Variants in CCDC181 observed in about 807,000 individuals in gnomAD.
CCDC181 encodes the protein coiled-coil domain containing 181.
A neutral mutation model predicts 58.7 loss-of-function variants in CCDC181; 35 were observed. That is an observed-to-expected ratio of 0.60 (90% CI 0.46 to 0.79). The LOEUF (loss-of-function observed/expected upper bound fraction) is 0.79. Ranked by LOEUF, CCDC181 falls within the 30% of genes least tolerant of loss-of-function variation. The probability of loss-of-function intolerance (pLI) is 0.00; values close to 1 mark genes in which losing one functional copy is unlikely to be tolerated. For synonymous variants in CCDC181, 183 were observed against 197.5 expected (o/e 0.93, Z 0.62); for missense variants, 517 against 583.9 (o/e 0.89, Z 1.18).
At chr1:169,460,542 G>C (rs1361597606) in exon 1 of CCDC181, 2 of 152,322 alleles carry the variant, frequency 1.3e-5, no homozygotes, top group East Asian at 3.8e-4. Flanking sequence ...GGGTAGGTAC[G>C]GCGGGCTTGC....
chr1:169,421,782 T>C lies in CCDC181; in HGVS notation c.649A>G (p.Ile217Val), dbSNP rs780206900. ...GSCEENKDRT[I>V]LVERDGKFEL... ...AATTTTCCATCTCTCTCTACCAGTA[T>C]TGTCCTATCCTTGTTTTCTTCACAG... The change falls in exon 3 of 6, where the codon ATA becomes GTA. Residue 217 changes from isoleucine to valine, a missense_variant. Transcript: ENST00000367806. 16 of 1,614,064 alleles carry C rather than the reference T, an allele frequency of 9.9e-6. No homozygotes were observed. The highest frequency in any genetic ancestry group is 7.7e-5 in the South Asian group (7 of 91,090).
At chr1:169,443,473 T>C (rs1461158724) in intron 2 of CCDC181, 4 of 152,140 alleles carry the variant, frequency 2.6e-5, no homozygotes, top group Admixed American at 2.0e-4. Context: ...ATTTAGCTTT[T>C]GAGAAATCAA....
chr1:169,457,460 T>G (rs1657706241), intron 2 of CCDC181, among the ~76,000 whole-genome samples: 1 of 152,130 alleles, frequency 6.6e-6, no homozygotes, highest in Non-Finnish European at 1.5e-5. Flanking sequence ...CTTAACATCA[T>G]TAACAGGTTC....
intron 4 of CCDC181, among the ~76,000 whole-genome samples, chr1:169,404,126 C>G (rs1384905703): frequency 6.6e-6 from 1 of 152,084 alleles, no homozygotes; most frequent in Non-Finnish European, 1.5e-5. Context: ...AAGCTGAATC[C>G]CTGAATAGAC....
chr1:169,438,966 T>A (rs1657129965), intron 2 of CCDC181, among the ~76,000 whole-genome samples: 1 of 152,168 alleles, frequency 6.6e-6, no homozygotes. Flanking sequence ...CTATTCTCCA[T>A]CTGAGAAATC....
chr1:169,408,965 C>A (rs1170025082), intron 4 of CCDC181, among the ~76,000 whole-genome samples: 1 of 152,162 alleles, frequency 6.6e-6, no homozygotes, highest in Non-Finnish European at 1.5e-5. Flanking sequence ...ATTCCAAAAA[C>A]CAGAATGCCT....
At chr1:169,408,870 A>G (rs956765722) in intron 4 of CCDC181, among the ~76,000 whole-genome samples, 19 of 152,060 alleles carry the variant, frequency 1.2e-4, no homozygotes, top group African/African-American at 4.6e-4. Context: ...CCACACAAAA[A>G]CCCCATCCAA....
intron 4 of CCDC181, among the ~76,000 whole-genome samples, chr1:169,414,017 A>AT (rs771536309): frequency 3.6e-5 from 4 of 111,628 alleles, no homozygotes; most frequent in Admixed American, 1.9e-4. Flanking sequence ...TTAAAATATA[A>AT]TTAAAAAAAA....
At chr1:169,439,290 C>T (rs530416562) in intron 2 of CCDC181, among the ~76,000 whole-genome samples, 25 of 152,172 alleles carry the variant, frequency 1.6e-4, no homozygotes, top group Non-Finnish European at 3.1e-4. Context: ...TGCAGACAGA[C>T]ACCCTACCAT....
chr1:169,447,122 TA>T (rs1477741163), intron 2 of CCDC181, among the ~76,000 whole-genome samples: 6 of 152,206 alleles, frequency 3.9e-5, no homozygotes, highest in Non-Finnish European at 2.9e-5. Context: ...GTTTTTGGTT[TA>T]TTTTTTTGAG....
chr1:169,406,815 A>C (rs1212664645), intron 4 of CCDC181, among the ~76,000 whole-genome samples: 3 of 149,228 alleles, frequency 2.0e-5, no homozygotes, highest in Non-Finnish European at 3.0e-5. Context: ...AACCCACCAC[A>C]AAAAAAATAA....
chr1:169,421,972 C>G lies in CCDC181; in HGVS notation c.459G>C (p.Lys153Asn). The change falls in exon 3 of 6, where the codon AAG becomes AAC. Residue 153 changes from lysine to asparagine, a missense_variant. By Grantham distance (94) the Lys-to-Asn change is moderately conservative. Coordinates refer to ENST00000367806, the MANE Select transcript of CCDC181 (RefSeq NM_001300969.2). ...CCAAATCAACTAACTGGTCCTTGAA[C>G]TTAAGTTTTCGCTCCCTTTTATCAT... ...PVNDKRERKL[K>N]FKDQLVDLEV... The G allele has an allele frequency of 6.2e-7, 1 of 1,614,014 alleles. No homozygotes were observed. Among genetic ancestry groups the G allele is most frequent in the Non-Finnish European group, 8.5e-7 (1 of 1,179,996 alleles).
chr1:169,426,162 A>C (rs938760407), intron 1 of CCDC181, among the ~76,000 whole-genome samples: 4 of 152,156 alleles, frequency 2.6e-5, no homozygotes, highest in Non-Finnish European at 4.4e-5. Flanking sequence ...AAACACCCTC[A>C]TGGCCGGTTC....
intron 2 of CCDC181, among the ~76,000 whole-genome samples, chr1:169,441,137 G>A (rs1211952700): frequency 6.6e-6 from 1 of 151,946 alleles, no homozygotes; most frequent in African/African-American, 2.4e-5. Flanking sequence ...AAGCAGCAAT[G>A]GCATTTTAGG....
At chr1:169,438,079 G>T (rs981356708) in intron 2 of CCDC181, among the ~76,000 whole-genome samples, 2 of 152,106 alleles carry the variant, frequency 1.3e-5, no homozygotes, top group African/African-American at 4.8e-5. Context: ...TGAAAAGCAG[G>T]CTTGTAGGTG....
intron 2 of CCDC181, among the ~76,000 whole-genome samples, chr1:169,446,565 TG>T (rs1657384032): frequency 6.6e-6 from 1 of 152,192 alleles, no homozygotes; most frequent in South Asian, 2.1e-4. Context: ...CATATACCCA[TG>T]GGTTCTGCAT....
intron 2 of CCDC181, chr1:169,442,967 T>G (rs1657275058): frequency 1.3e-5 from 2 of 151,970 alleles, no homozygotes; most frequent in Non-Finnish European, 2.9e-5. Context: ...TATAATAAAA[T>G]CTACCTATAT....
At chr1:169,418,533 T>C (rs916470893) in intron 4 of CCDC181, among the ~76,000 whole-genome samples, 1 of 151,854 alleles carries the variant, frequency 6.6e-6, no homozygotes, top group African/African-American at 2.4e-5. Context: ...TACTTTCAAC[T>C]TTACATATAT....
At chr1:169,456,831 G>T (rs1377240951) in intron 2 of CCDC181, among the ~76,000 whole-genome samples, 1 of 152,128 alleles carries the variant, frequency 6.6e-6, no homozygotes, top group African/African-American at 2.4e-5. Flanking sequence ...ATAAACAAAA[G>T]AAACTGGACT....
Sources: gnomAD v4.1 joint callset for allele counts (sites outside exome capture counted in the v4.1 genomes callset) on GRCh38, gnomAD v4.1.1 for gene constraint, MANE v1.5 for transcripts, NCBI Gene and HGNC (gene_info 2026-07-23, HGNC 2026-07-21) for gene names.